The following LARGE1 variants were observed in gnomAD, a reference collection of about 807,000 sequenced individuals.
LARGE1 encodes the protein xylosyl- and glucuronyltransferase LARGE1.
LARGE1 carries 43 observed loss-of-function variants against 87.6 expected under a neutral mutation model. The observed-to-expected ratio is 0.49, with a 90% CI of 0.38 to 0.63. The LOEUF (loss-of-function observed/expected upper bound fraction) is 0.63, where lower values mean the gene tolerates loss of function less well. Among genes scored for constraint, LARGE1 ranks in the 30% least tolerant of loss-of-function variants. The pLI, the probability that LARGE1 is intolerant of heterozygous loss-of-function variation, is 0.00. For missense variants in LARGE1, 802 were observed against 1,000.2 expected (o/e 0.80, Z 2.67); for synonymous variants, 434 against 394.6 (o/e 1.10, Z -1.18).
intron 6 of LARGE1, among the ~76,000 whole-genome samples, chr22:33,534,850 C>A (rs144635876): frequency 8.5e-5 from 13 of 152,160 alleles, no homozygotes; most frequent in Non-Finnish European, 1.6e-4. Context: ...CTTCCCATGG[C>A]GCTCCATCTG....
At chr22:33,653,165 A>C (rs992520334) in intron 2 of LARGE1, among the ~76,000 whole-genome samples, 1 of 152,158 alleles carries the variant, frequency 6.6e-6, no homozygotes, top group Non-Finnish European at 1.5e-5. Context: ...CGGGAGTTAC[A>C]CCTTCTGTAG....
chr22:33,208,350 T>C (rs1247980678), intron 11 of LARGE1, among the ~76,000 whole-genome samples: 1 of 152,204 alleles, frequency 6.6e-6, no homozygotes, highest in Non-Finnish European at 1.5e-5. Context: ...ATGGATGTTT[T>C]AGGTTTCAAG....
the LARGE1 span, among the ~76,000 whole-genome samples, chr22:33,142,119 C>A: frequency 6.6e-6 from 1 of 152,158 alleles, no homozygotes; most frequent in East Asian, 1.9e-4. Context: ...TAGTGGTCAG[C>A]CAATGATTGA....
At chr22:33,166,113 A>C (rs2146124170) in exon 12 of LARGE1, 1 of 152,342 alleles carries the variant, frequency 6.6e-6, no homozygotes, top group African/African-American at 2.4e-5. Flanking sequence ...TTAAAATGGA[A>C]AGAAATTAAT....
rs540499699 is a variant in LARGE1, at chr22:33,359,843, C to T, written c.1132-22042G>A. Among the ~76,000 whole-genome samples, 23 of 149,448 alleles carry T rather than the reference C, an allele frequency of 1.5e-4. 2 individuals are homozygous for T. The East Asian group carries it at 2.3e-3, about 15-fold the overall frequency. On this transcript the variant is annotated intron_variant, in intron 9 of 14. Transcript: ENST00000397394. ...CCTCCCAAAGTGCTGGGATCACAGG[C>T]GTGAGCCACCGCACCCAGCCAGCAG...
chr22:33,693,413 AT>A (rs1449132250), intron 2 of LARGE1, among the ~76,000 whole-genome samples: 1 of 151,162 alleles, frequency 6.6e-6, no homozygotes, highest in African/African-American at 2.5e-5. Flanking sequence ...AAAAAAAAAA[AT>A]TAAAAAGAGG....
chr22:33,885,770 C>G (rs1202658944), intron 1 of LARGE1, among the ~76,000 whole-genome samples: 1 of 152,158 alleles, frequency 6.6e-6, no homozygotes, highest in African/African-American at 2.4e-5. Context: ...GTGACTCACA[C>G]CTGTAATCCT....
chr22:33,785,368 G>A (rs1421388987), intron 1 of LARGE1, among the ~76,000 whole-genome samples: 1 of 151,958 alleles, frequency 6.6e-6, no homozygotes, highest in Non-Finnish European at 1.5e-5. Context: ...GTATTCAGAT[G>A]TTACACAACT....
At chr22:33,796,401 G>A (rs1023662451) in intron 1 of LARGE1, among the ~76,000 whole-genome samples, 6 of 152,132 alleles carry the variant, frequency 3.9e-5, no homozygotes, top group Admixed American at 6.5e-5. Flanking sequence ...CAGCGTCGCC[G>A]ACTTCTGACT....
intron 2 of LARGE1, among the ~76,000 whole-genome samples, chr22:33,721,823 C>T (rs781643708): frequency 6.6e-6 from 1 of 152,318 alleles, no homozygotes; most frequent in East Asian, 1.9e-4. Context: ...TTGGTACAAG[C>T]AGGAACACAA....
At chr22:33,717,040 C>A (rs1325982575) in intron 2 of LARGE1, among the ~76,000 whole-genome samples, 1 of 152,214 alleles carries the variant, frequency 6.6e-6, no homozygotes, top group African/African-American at 2.4e-5. Flanking sequence ...TGATTCCCAA[C>A]TGATACCCAA....
At chr22:33,174,200 C>T (rs1368611503) in intron 11 of LARGE1, among the ~76,000 whole-genome samples, 2 of 152,176 alleles carry the variant, frequency 1.3e-5, no homozygotes, top group Admixed American at 6.6e-5. Flanking sequence ...CCCAAAACCA[C>T]ACAACTACAT....
intron 6 of LARGE1, among the ~76,000 whole-genome samples, chr22:33,530,326 G>T (rs900649684): frequency 1.3e-5 from 2 of 152,156 alleles, no homozygotes; most frequent in Non-Finnish European, 2.9e-5. Flanking sequence ...ATGGCTTACA[G>T]CACAGTTACT....
intron 1 of LARGE1, among the ~76,000 whole-genome samples, chr22:33,825,434 T>C (rs1259793891): frequency 2.0e-5 from 3 of 150,354 alleles, no homozygotes; most frequent in Non-Finnish European, 2.9e-5. Flanking sequence ...GAAAGAGGTT[T>C]AATTGACTCA....
rs555860134 is a variant in LARGE1 at position 33,653,691 on chromosome 22, C to T, written c.107-3023G>A. Among the ~76,000 whole-genome samples the T allele has an allele frequency of 2.9e-4, 44 of 152,160 alleles. 1 individual carries two copies. In the South Asian group the frequency reaches 4.4e-3, roughly 15 times the overall value. ...CTTGGCATCAGTGAGTTCCTGTGACCCTTTCTCAGTGAGGGAAGGTGATGT... is the reference window on the plus strand; with the variant it reads ...CTTGGCATCAGTGAGTTCCTGTGACTCTTTCTCAGTGAGGGAAGGTGATGT... On this transcript the variant is annotated intron_variant, in intron 2 of 14. Coordinates refer to ENST00000397394, the MANE Select transcript of LARGE1 (RefSeq NM_133642.5).
the LARGE1 span, among the ~76,000 whole-genome samples, chr22:33,080,786 C>T: frequency 6.6e-6 from 1 of 152,182 alleles, no homozygotes; most frequent in Non-Finnish European, 1.5e-5. Flanking sequence ...CCAGAGAATA[C>T]TCTTAACTGC....
chr22:33,179,841 G>A (rs534361223), intron 11 of LARGE1, among the ~76,000 whole-genome samples: 5 of 152,282 alleles, frequency 3.3e-5, no homozygotes, highest in Non-Finnish European at 7.4e-5. Flanking sequence ...GCTACGGTTT[G>A]AATGATGGTG....
rs112802349 is a variant in LARGE1 at position 33,174,601 on chromosome 22, C to T, written c.1731-7769G>A. On this transcript the variant is annotated intron_variant, in intron 11 of 11. Coordinates refer to the LARGE1 transcript ENST00000608642. ...CAAAATAGATTGACCATTAGCCAGACTAATAAAGAAGGAAAGAGAGAAGAA... is the reference window on the plus strand; with the variant it reads ...CAAAATAGATTGACCATTAGCCAGATTAATAAAGAAGGAAAGAGAGAAGAA... Among the ~76,000 whole-genome samples the T allele has an allele frequency of 1.6e-3, 246 of 151,908 alleles. 1 individual carries two copies. Among genetic ancestry groups the T allele is most frequent in the African/African-American group, 5.7e-3 (238 of 41,452 alleles).
At chr22:33,433,607 CAAAAAAAAAAAAAA>C in intron 6 of LARGE1, among the ~76,000 whole-genome samples, 1 of 88,266 alleles carries the variant, frequency 1.1e-5, no homozygotes, top group East Asian at 3.9e-4. Flanking sequence ...AAAAACAAAA[CAAAAAAAAAAAAAA>C]AAAAAAAAAG....
Sources: allele counts gnomAD v4.1 joint callset (sites outside exome capture counted in the v4.1 genomes callset), GRCh38; gene constraint gnomAD v4.1.1; transcripts MANE v1.5; gene names NCBI Gene and HGNC (gene_info 2026-07-23, HGNC 2026-07-21).